Variants in ZNF800 observed in about 807,000 individuals in gnomAD.
The protein encoded by ZNF800 is zinc finger protein 800.
ZNF800 carries 13 observed loss-of-function variants against 59.5 expected under a neutral mutation model. The observed-to-expected ratio is 0.22, with a 90% CI of 0.14 to 0.35. ZNF800 has a LOEUF of 0.35. Among genes scored for constraint, ZNF800 ranks in the 10% least tolerant of loss-of-function variants. ZNF800 has a pLI of 1.00. For synonymous variants in ZNF800, 266 were observed against 265.7 expected (o/e 1.00, Z -0.01); for missense variants, 621 against 783.7 (o/e 0.79, Z 2.48).
chr7:127,352,968 A>C (rs1338643005), intron 1 of ZNF800, among the ~76,000 whole-genome samples: 1 of 151,946 alleles, frequency 6.6e-6, no homozygotes, highest in Non-Finnish European at 1.5e-5. Flanking sequence ...AACAAAATAT[A>C]GTGTTTTTCC....
In ZNF800 at chr7:127,373,328, T is replaced by C. The variant is rs1562903330; in HGVS notation, c.1994+14A>G. 6.4e-7 allele frequency: 1 copy of C among 1,554,120 alleles called. No individual in the cohort carries two copies. Among genetic ancestry groups the C allele is most frequent in the East Asian group, 2.3e-5 (1 of 44,216 alleles). On this transcript the variant is annotated intron_variant, in intron 5 of 5. Transcript: ENST00000265827. ...TGGGGGGAAAAAAGCAAAACTCTGT[T>C]AACTGTTCCTCACCAGACAAGAGCC...
rs1329477961 is a variant in ZNF800 at position 127,379,503 on chromosome 7, A to T, written c.158-2174T>A. On this transcript the variant is annotated intron_variant, in intron 3 of 5. Coordinates refer to ENST00000265827, the MANE Select transcript of ZNF800 (RefSeq NM_176814.5). ...GAACTCGGTTTAACTTAAGAATTCA[A>T]CTTAAGATTTAAATAGGATACATGT... Among the ~76,000 whole-genome samples, 9 of 152,320 alleles carry T rather than the reference A, an allele frequency of 5.9e-5. No individual in the cohort carries two copies. The East Asian group carries it at 9.7e-4, about 16-fold the overall frequency.
At position 127,350,713 on chromosome 7, in the gene ZNF800, C is replaced by A. The variant is rs17869615; in HGVS notation, n.225-2670G>T. ...TGTCTGGTTAGAGAAAAACATCTTA[C>A]CCTGCTCCTGTTTCTTGGCAACACC... On this transcript the variant is annotated intron_variant and non_coding_transcript_variant, in intron 1 of 1. Transcript: ENST00000485577. Among the ~76,000 whole-genome samples, 653 of 152,276 alleles carry A rather than the reference C, an allele frequency of 4.3e-3. 5 individuals are homozygous for A. Among genetic ancestry groups the A allele is most frequent in the African/African-American group, 0.015 (624 of 41,552 alleles).
chr7:127,379,844 A>ACCCCC lies in ZNF800; in HGVS notation c.158-2520_158-2516dup, dbSNP rs1562907457. Among the ~76,000 whole-genome samples, 32 of 13,930 alleles carry ACCCCC rather than the reference A, an allele frequency of 2.3e-3. 2 individuals are homozygous for ACCCCC. Among genetic ancestry groups the ACCCCC allele is most frequent in the South Asian group, 5.1e-3 (1 of 196 alleles). The allele number at this position is 13,930 out of a possible 152,430, so 9.1% of individuals were successfully genotyped here. On this transcript the variant is annotated intron_variant, in intron 3 of 5. Coordinates refer to ENST00000265827, the MANE Select transcript of ZNF800 (RefSeq NM_176814.5). ...TTCCCCTTACCCTTGCCACCCCCCCACCCCCCCACCCCCCCCACACACACA... is the reference window on the plus strand; with the variant it reads ...TTCCCCTTACCCTTGCCACCCCCCCACCCCCCCCCCCCACCCCCCCCACACACACA...
intron 2 of ZNF800, among the ~76,000 whole-genome samples, chr7:127,386,658 T>C (rs1445365679): frequency 1.3e-5 from 2 of 152,230 alleles, no homozygotes; most frequent in Admixed American, 6.5e-5. Flanking sequence ...CAATGATGGA[T>C]GCAGAAGAAT....
At position 127,374,333 on chromosome 7, in the gene ZNF800, T is replaced by C. The variant is rs759747064; in HGVS notation, c.1003A>G (p.Ile335Val). Residue 335 changes from isoleucine to valine, a missense_variant, in exon 5 of 6, where the codon ATT becomes GTT. Ile to Val is a conservative substitution (Grantham distance 29). Around this residue, in one of 7 missense-constraint regions of ZNF800, gnomAD observed 185 missense variants for 177.6 expected, o/e 1.04. Coordinates refer to ENST00000265827, the MANE Select transcript of ZNF800 (RefSeq NM_176814.5). ...GTCTTAAAAGATTTTTTAGGAGAAA[T>C]AGAATCCAGGAACAAAGGTTGCCCA... ...KPGQPLFLDS[I>V]SPKKSFKTRK... is the part of the protein sequence containing the mutation. The C allele has an allele frequency of 5.0e-6, 8 of 1,613,622 alleles. No individual in the cohort carries two copies. Among genetic ancestry groups the C allele is most frequent in the Non-Finnish European group, 5.9e-6 (7 of 1,179,866 alleles).
downstream of ZNF800, among the ~76,000 whole-genome samples, chr7:127,345,276 A>G (rs1277462455): frequency 6.6e-6 from 1 of 151,188 alleles, no homozygotes; most frequent in Admixed American, 6.6e-5. Context: ...TCCTTTATAC[A>G]TTCTAGTATG....
At chr7:127,368,720 A>G (rs1293697937), downstream of ZNF800, among the ~76,000 whole-genome samples, 1 of 152,132 alleles carries the variant, frequency 6.6e-6, no homozygotes, top group Non-Finnish European at 1.5e-5. Context: ...TAACACCTAC[A>G]GGGAAACTCC....
At chr7:127,369,864 T>C (rs998721892), downstream of ZNF800, among the ~76,000 whole-genome samples, 2 of 151,948 alleles carry the variant, frequency 1.3e-5, no homozygotes, top group Non-Finnish European at 2.9e-5. Context: ...TTCTTCTCTA[T>C]AGTATTTAAC....
chr7:127,385,234 G>A (rs1046180836), intron 3 of ZNF800, among the ~76,000 whole-genome samples: 2 of 152,094 alleles, frequency 1.3e-5, no homozygotes, highest in Non-Finnish European at 2.9e-5. Context: ...TAATGACAAG[G>A]TATTCTAATC....
chr7:127,366,335 G>T (rs1303577908), downstream of ZNF800, among the ~76,000 whole-genome samples: 1 of 152,124 alleles, frequency 6.6e-6, no homozygotes, highest in Non-Finnish European at 1.5e-5. Flanking sequence ...ACAATACTTT[G>T]AGGATTCACT....
At chr7:127,347,887 G>A (rs1053013810) in exon 2 of ZNF800, 2 of 150,350 alleles carry the variant, frequency 1.3e-5, no homozygotes, top group Non-Finnish European at 3.0e-5. Context: ...CCAGGCCCCG[G>A]GCAGCGTGCT....
Position 127,374,328 on chromosome 7 carries a change from A to G in ZNF800, c.1008T>C (p.Ser336=), listed in dbSNP as rs1277532850. The change falls in exon 5 of 6, where the codon TCT becomes TCC. Residue 336 remains serine, a synonymous_variant. Coordinates refer to ENST00000265827, the MANE Select transcript of ZNF800 (RefSeq NM_176814.5). The part of the protein sequence containing the change: ...PGQPLFLDSI[S]PKKSFKTRKQ... The stretch of plus-strand genomic sequence containing the variant: ...TTCGAGTCTTAAAAGATTTTTTAGG[A>G]GAAATAGAATCCAGGAACAAAGGTT... 14 of 1,613,524 alleles carry G rather than the reference A, an allele frequency of 8.7e-6. No homozygotes were observed. The South Asian group carries it at 1.2e-4, about 14-fold the overall frequency.
chr7:127,365,825 A>G (rs886900243), downstream of ZNF800, among the ~76,000 whole-genome samples: 1 of 152,134 alleles, frequency 6.6e-6, no homozygotes, highest in African/African-American at 2.4e-5. Context: ...TGCCAACAAG[A>G]AGGCAACAAA....
rs561838457 is a variant in ZNF800, at chr7:127,372,869, C to T, written c.1994+473G>A. 9.1e-6 allele frequency: 9 copies of T among 985,224 alleles called. No homozygotes were observed. In the South Asian group the frequency reaches 4.2e-4, roughly 46 times the overall value. 61.0% of individuals were successfully genotyped at this position (985,224 alleles called of 1,614,324 possible). ...TTTAGCCGTCACAGATTAATTTTTA[C>T]AATAATTACAGTGCCTCAAAAGATT... On this transcript the variant is annotated intron_variant, in intron 5 of 5. Coordinates refer to ENST00000265827, the MANE Select transcript of ZNF800 (RefSeq NM_176814.5).
rs1019906368 is a variant in ZNF800 at position 127,354,612 on chromosome 7, T to G, written n.225-6569A>C. ...CAAGAAATTGGTAACTTCTTGCCTCTGGGGAAGGTAATGGAAGAACTGAGA... is the reference window on the plus strand; with the variant it reads ...CAAGAAATTGGTAACTTCTTGCCTCGGGGGAAGGTAATGGAAGAACTGAGA... On this transcript the variant is annotated intron_variant and non_coding_transcript_variant, in intron 1 of 1. Transcript: ENST00000485577. Among the ~76,000 whole-genome samples, 14 of 152,204 alleles carry G rather than the reference T, an allele frequency of 9.2e-5. No individual in the cohort carries two copies. In the Middle Eastern group the frequency reaches 0.01, roughly 111 times the overall value.
rs1042440674 is a variant in ZNF800, at chr7:127,374,324, T to G, written c.1012A>C (p.Lys338Gln). 2 of 1,613,112 alleles carry G rather than the reference T, an allele frequency of 1.2e-6. No homozygotes were observed. Among genetic ancestry groups the G allele is most frequent in the Non-Finnish European group, 1.7e-6 (2 of 1,179,766 alleles). Reference sequence around the variant, plus strand: ...TGTTTTCGAGTCTTAAAAGATTTTTTAGGAGAAATAGAATCCAGGAACAAA... The same window carrying G: ...TGTTTTCGAGTCTTAAAAGATTTTTGAGGAGAAATAGAATCCAGGAACAAA... ...QPLFLDSISP[K>Q]KSFKTRKQKS... The change falls in exon 5 of 6, where the codon AAA (lysine) becomes CAA (glutamine). Residue 338 changes from lysine (K) to glutamine (Q), a missense_variant. Physicochemically the swap from Lys to Gln is moderately conservative, Grantham distance 53. Coordinates refer to ENST00000265827, the MANE Select transcript of ZNF800 (RefSeq NM_176814.5).
intron 3 of ZNF800, among the ~76,000 whole-genome samples, chr7:127,385,013 A>T (rs947999025): frequency 6.6e-6 from 1 of 152,188 alleles, no homozygotes; most frequent in African/African-American, 2.4e-5. Flanking sequence ...TAAGAAATGG[A>T]TCTTTTGGAG....
chr7:127,384,753 A>C (rs1344005039), intron 3 of ZNF800, among the ~76,000 whole-genome samples: 1 of 152,184 alleles, frequency 6.6e-6, no homozygotes, highest in Non-Finnish European at 1.5e-5. Flanking sequence ...TTTTTCTGTT[A>C]TGCCAGAAAT....
Sources: gnomAD v4.1 joint callset for allele counts (sites outside exome capture counted in the v4.1 genomes callset) on GRCh38, gnomAD v4.1.1 for gene constraint, gnomAD v4.1.1 regional missense constraint, MANE v1.5 for transcripts, NCBI Gene and HGNC (gene_info 2026-07-23, HGNC 2026-07-21) for gene names.